NCKAP5: variants seen among roughly 807,000 people sequenced by gnomAD.
The protein encoded by NCKAP5 is NCK associated protein 5, also known as nck-associated protein 5.
A neutral mutation model predicts 167.0 loss-of-function variants in NCKAP5; 92 were observed. The observed-to-expected ratio is 0.55, with a 90% CI of 0.47 to 0.66. The LOEUF is 0.66. Among genes scored for constraint, NCKAP5 ranks in the 30% least tolerant of loss-of-function variants. The pLI is 0.00. For missense variants in NCKAP5, 2,378 were observed against 2,315.0 expected (o/e 1.03, Z -0.56); for synonymous variants, 891 against 877.4 (o/e 1.02, Z -0.27).
At chr2:132,734,175 A>G (rs1325673621) in intron 16 of NCKAP5, among the ~76,000 whole-genome samples, 1 of 152,134 alleles carries the variant, frequency 6.6e-6, no homozygotes, top group Non-Finnish European at 1.5e-5. Flanking sequence ...TTTCTCCTCA[A>G]TTAAGGGTAT....
At chr2:132,982,924 G>T (rs1406572476) in intron 7 of NCKAP5, among the ~76,000 whole-genome samples, 2 of 152,104 alleles carry the variant, frequency 1.3e-5, no homozygotes, top group Non-Finnish European at 2.9e-5. Flanking sequence ...CACTGATAGG[G>T]ACCTAGGTTG....
At chr2:132,898,891 C>G (rs1211972750) in intron 8 of NCKAP5, among the ~76,000 whole-genome samples, 1 of 152,118 alleles carries the variant, frequency 6.6e-6, no homozygotes, top group Non-Finnish European at 1.5e-5. Context: ...TTGTTAAGGG[C>G]CATAGGATTT....
intron 8 of NCKAP5, among the ~76,000 whole-genome samples, chr2:132,894,546 T>C (rs1455671320): frequency 6.6e-6 from 1 of 152,184 alleles, no homozygotes; most frequent in Non-Finnish European, 1.5e-5. Flanking sequence ...TTTCTTTCCA[T>C]TGTTTGCATG....
At chr2:132,792,566 C>G (rs1286876850) in intron 12 of NCKAP5, among the ~76,000 whole-genome samples, 3 of 152,282 alleles carry the variant, frequency 2.0e-5, no homozygotes, top group Non-Finnish European at 4.4e-5. Context: ...TTTAAATACG[C>G]AGTGTGGTGG....
At chr2:132,821,422 T>C (rs532242560) in intron 11 of NCKAP5, among the ~76,000 whole-genome samples, 2 of 152,300 alleles carry the variant, frequency 1.3e-5, no homozygotes, top group East Asian at 1.9e-4. Flanking sequence ...TCCCTGATTA[T>C]ACCTCATGGG....
intron 19 of NCKAP5, among the ~76,000 whole-genome samples, chr2:132,722,970 C>A (rs930625385): frequency 6.6e-6 from 1 of 151,728 alleles, no homozygotes; most frequent in African/African-American, 2.4e-5. Flanking sequence ...TATGTGCCAC[C>A]ACATCCACTA....
intron 3 of NCKAP5, among the ~76,000 whole-genome samples, chr2:133,412,783 G>A (rs1056919180): frequency 3.3e-5 from 5 of 152,158 alleles, no homozygotes; most frequent in Non-Finnish European, 7.4e-5. Flanking sequence ...CTAGAAAACT[G>A]GCTTTTATGT....
At chr2:132,829,225 C>T (rs1687347957) in intron 11 of NCKAP5, among the ~76,000 whole-genome samples, 1 of 152,138 alleles carries the variant, frequency 6.6e-6, no homozygotes, top group South Asian at 2.1e-4. Flanking sequence ...TTACAGTAAA[C>T]TAAGGGTTGA....
At chr2:132,930,434 G>A (rs1389814583) in intron 8 of NCKAP5, 3 of 152,166 alleles carry the variant, frequency 2.0e-5, no homozygotes, top group Non-Finnish European at 4.4e-5. Flanking sequence ...CCCAGTGTGG[G>A]TAGGCATCAT....
intron 3 of NCKAP5, among the ~76,000 whole-genome samples, chr2:133,449,608 G>A (rs974055828): frequency 1.5e-4 from 23 of 152,192 alleles, no homozygotes; most frequent in Admixed American, 3.3e-4. Flanking sequence ...AGGCGTGACG[G>A]TTCCTTTTAA....
At chr2:133,062,697 T>TA (rs1325216969) in intron 6 of NCKAP5, among the ~76,000 whole-genome samples, 6 of 152,184 alleles carry the variant, frequency 3.9e-5, no homozygotes, top group Non-Finnish European at 7.3e-5. Context: ...AAAAATATAT[T>TA]TAAAAGATAG....
At chr2:133,014,299 C>T (rs2078261638) in intron 6 of NCKAP5, among the ~76,000 whole-genome samples, 1 of 152,138 alleles carries the variant, frequency 6.6e-6, no homozygotes, top group South Asian at 2.1e-4. Flanking sequence ...AAATATATGC[C>T]TTTGCTTTCC....
At chr2:133,110,321 T>G (rs2081864576) in intron 6 of NCKAP5, among the ~76,000 whole-genome samples, 1 of 152,102 alleles carries the variant, frequency 6.6e-6, no homozygotes, top group Non-Finnish European at 1.5e-5. Flanking sequence ...GCAAGGGCAA[T>G]AAAGTATTTA....
At chr2:133,004,025 T>G (rs1259741678) in intron 6 of NCKAP5, among the ~76,000 whole-genome samples, 1 of 152,176 alleles carries the variant, frequency 6.6e-6, no homozygotes, top group Non-Finnish European at 1.5e-5. Flanking sequence ...CCCTGAATGT[T>G]AGCAAACAAA....
chr2:132,725,819 T>A, intron 18 of NCKAP5, 60 bp from the exon 19 acceptor site: 8 of 1,561,638 alleles, frequency 5.1e-6, no homozygotes, highest in Non-Finnish European at 7.0e-6. Flanking sequence ...AGGCAGAGCA[T>A]CCTGTGAGGA....
At chr2:132,903,456 C>A (rs1693779000) in intron 8 of NCKAP5, among the ~76,000 whole-genome samples, 1 of 152,214 alleles carries the variant, frequency 6.6e-6, no homozygotes. Flanking sequence ...ATCTGAGGCA[C>A]AGGCCCGTGT....
intron 3 of NCKAP5, among the ~76,000 whole-genome samples, chr2:133,456,698 TTA>T (rs1691885124): frequency 6.6e-6 from 1 of 152,180 alleles, no homozygotes; most frequent in Non-Finnish European, 1.5e-5. Context: ...CAGTAATACA[TTA>T]GTCTGAAATT....
At chr2:133,033,973 C>T (rs2078963839) in intron 6 of NCKAP5, among the ~76,000 whole-genome samples, 1 of 152,192 alleles carries the variant, frequency 6.6e-6, no homozygotes, top group African/African-American at 2.4e-5. Context: ...TAACAGATAA[C>T]TTCCCAAACC....
chr2:132,980,307 C>A (rs1421487338), intron 7 of NCKAP5, among the ~76,000 whole-genome samples: 1 of 152,032 alleles, frequency 6.6e-6, no homozygotes, highest in Non-Finnish European at 1.5e-5. Flanking sequence ...TGATTCTTAA[C>A]CCAGGCTTCA....
Sources: allele counts gnomAD v4.1 joint callset (sites outside exome capture counted in the v4.1 genomes callset), GRCh38; gene constraint gnomAD v4.1.1; transcripts MANE v1.5; gene names NCBI Gene and HGNC (gene_info 2026-07-23, HGNC 2026-07-21).